PCDH15: variants seen among roughly 807,000 people sequenced by gnomAD.
The protein encoded by PCDH15 is protocadherin-15.
In PCDH15, 129 loss-of-function variants were observed where a neutral mutation model predicts 178.5. The observed-to-expected ratio is 0.72, with a 90% CI of 0.63 to 0.84. The LOEUF (loss-of-function observed/expected upper bound fraction) is 0.84, where lower values mean the gene tolerates loss of function less well. Ranked by LOEUF, PCDH15 falls within the 40% of genes least tolerant of loss-of-function variation. The pLI is 0.00. For synonymous variants in PCDH15, 800 were observed against 732.0 expected (o/e 1.09, Z -1.50); for missense variants, 2,230 against 2,099.9 (o/e 1.06, Z -1.21).
intron 13 of PCDH15, among the ~76,000 whole-genome samples, chr10:54,172,252 T>A (rs933652057): frequency 6.6e-6 from 1 of 152,026 alleles, no homozygotes; most frequent in Admixed American, 6.6e-5. Context: ...CTTGTGAAAG[T>A]CCTTTTCCTG....
At chr10:54,008,527 C>A (rs2092459940) in intron 20 of PCDH15, among the ~76,000 whole-genome samples, 1 of 151,926 alleles carries the variant, frequency 6.6e-6, no homozygotes, top group Admixed American at 6.6e-5. Flanking sequence ...AATTTAACTC[C>A]CCTAACATTT....
chr10:54,745,317 G>A (rs1221402162), intron 1 of PCDH15, among the ~76,000 whole-genome samples: 1 of 142,078 alleles, frequency 7.0e-6, no homozygotes, highest in African/African-American at 2.5e-5. Context: ...TTAACTATAG[G>A]AAAAACTATT....
chr10:54,357,454 A>G (rs1945208876), intron 5 of PCDH15, among the ~76,000 whole-genome samples: 1 of 152,138 alleles, frequency 6.6e-6, no homozygotes, highest in Non-Finnish European at 1.5e-5. Flanking sequence ...TCCAACTTAC[A>G]AGGGATGTGA....
chr10:54,940,066 T>C (rs1300224384), intron 2 of PCDH15, among the ~76,000 whole-genome samples: 1 of 152,212 alleles, frequency 6.6e-6, no homozygotes, highest in Non-Finnish European at 1.5e-5. Context: ...TCCTACCATG[T>C]GTTGGCTTTA....
At chr10:55,110,154 A>G (rs1837463236) in intron 2 of PCDH15, among the ~76,000 whole-genome samples, 1 of 151,984 alleles carries the variant, frequency 6.6e-6, no homozygotes, top group African/African-American at 2.4e-5. Context: ...AATTTCTTAA[A>G]GAGCCAATAA....
intron 3 of PCDH15, among the ~76,000 whole-genome samples, chr10:54,525,163 G>T (rs1282061867): frequency 1.3e-5 from 2 of 152,158 alleles, no homozygotes; most frequent in African/African-American, 4.8e-5. Context: ...TTTAAAAAAT[G>T]AGCTATTTAG....
chr10:55,259,130 T>C (rs1416786031), intron 1 of PCDH15, among the ~76,000 whole-genome samples: 1 of 152,186 alleles, frequency 6.6e-6, no homozygotes, highest in Non-Finnish European at 1.5e-5. Context: ...ATCAGCTTTC[T>C]GTGTGGCTAG....
intron 3 of PCDH15, among the ~76,000 whole-genome samples, chr10:54,442,389 TTAA>T (rs201274511): frequency 0.34 from 31,795 of 94,336 alleles, 8,640 homozygotes; most frequent in Non-Finnish European, 0.46. Context: ...TCCTTTTTTT[TTAA>T]AAAAAAAAAA....
intron 2 of PCDH15, among the ~76,000 whole-genome samples, chr10:54,614,240 G>A (rs999630148): frequency 2.0e-5 from 3 of 151,908 alleles, no homozygotes; most frequent in African/African-American, 7.2e-5. Context: ...AGCCTAGAGG[G>A]CTGAGAGGCC....
At chr10:54,897,705 T>C (rs1564613500) in intron 2 of PCDH15, among the ~76,000 whole-genome samples, 1 of 152,208 alleles carries the variant, frequency 6.6e-6, no homozygotes, top group Non-Finnish European at 1.5e-5. Flanking sequence ...AGAAATGTGC[T>C]AATTCTACTT....
chr10:54,713,136 C>A (rs2095442957), intron 1 of PCDH15, among the ~76,000 whole-genome samples: 1 of 151,916 alleles, frequency 6.6e-6, no homozygotes, highest in Non-Finnish European at 1.5e-5. Flanking sequence ...TTTCTTTAGA[C>A]TTTATTTCAT....
chr10:53,938,365 T>C (rs998868105), intron 25 of PCDH15, among the ~76,000 whole-genome samples: 1 of 152,182 alleles, frequency 6.6e-6, no homozygotes, highest in African/African-American at 2.4e-5. Flanking sequence ...TGAAAAATGA[T>C]GCTACATATA....
chr10:55,061,795 G>A (rs995685607), intron 2 of PCDH15, among the ~76,000 whole-genome samples: 2 of 152,148 alleles, frequency 1.3e-5, no homozygotes, highest in African/African-American at 2.4e-5. Flanking sequence ...CCGAGGAGTG[G>A]GGGATCACGA....
intron 13 of PCDH15, among the ~76,000 whole-genome samples, chr10:54,160,024 T>C (rs937033276): frequency 5.3e-5 from 8 of 152,124 alleles, no homozygotes; most frequent in Non-Finnish European, 8.8e-5. Flanking sequence ...TTGATATATA[T>C]GAATTGCCAG....
chr10:54,206,081 C>T (rs1201897916), intron 10 of PCDH15, among the ~76,000 whole-genome samples: 4 of 151,986 alleles, frequency 2.6e-5, no homozygotes, highest in African/African-American at 4.8e-5. Context: ...TTTAATAAAA[C>T]GAAATACTTT....
intron 2 of PCDH15, among the ~76,000 whole-genome samples, chr10:55,357,354 G>C (rs1434256698): frequency 6.6e-6 from 1 of 151,716 alleles, no homozygotes; most frequent in Non-Finnish European, 1.5e-5. Flanking sequence ...GAATTAAATT[G>C]TGTGTTTCCC....
chr10:55,241,165 G>A (rs542105129), intron 1 of PCDH15, among the ~76,000 whole-genome samples: 9 of 152,090 alleles, frequency 5.9e-5, no homozygotes, highest in East Asian at 3.9e-4. Flanking sequence ...GCAGTGAGCC[G>A]AGATCGTGCC....
chr10:55,336,124 GAAAAAAAAAAAA>G (rs748988261), intron 2 of PCDH15, among the ~76,000 whole-genome samples: 664 of 59,304 alleles, frequency 0.011, 8 homozygotes, highest in African/African-American at 0.036. Flanking sequence ...CTTGGTATTT[GAAAAAAAAAAAA>G]AAAAAAAAAA....
intron 7 of PCDH15, among the ~76,000 whole-genome samples, chr10:54,328,252 T>C (rs770420385): frequency 8.5e-5 from 13 of 152,068 alleles, no homozygotes; most frequent in Non-Finnish European, 1.8e-4. Context: ...AGCCTTTTCT[T>C]AATGGTTTAT....
Sources: gnomAD v4.1 joint callset for allele counts (sites outside exome capture counted in the v4.1 genomes callset) on GRCh38, gnomAD v4.1.1 for gene constraint, MANE v1.5 for transcripts, NCBI Gene and HGNC (gene_info 2026-07-23, HGNC 2026-07-21) for gene names.